Variants in SEC16B observed in about 807,000 individuals in gnomAD.
SEC16B encodes the protein SEC16 homolog B, endoplasmic reticulum export factor, also known as protein transport protein Sec16B.
In SEC16B, 115 loss-of-function variants were observed where a neutral mutation model predicts 141.8. That is an observed-to-expected ratio of 0.81 (90% CI 0.70 to 0.95). The LOEUF (loss-of-function observed/expected upper bound fraction) is 0.95. Among genes scored for constraint, SEC16B ranks in the 40% least tolerant of loss-of-function variants. The pLI is 0.00. For missense variants in SEC16B, 1,291 were observed against 1,312.3 expected, an observed-to-expected ratio of 0.98 and a Z score of 0.25; for synonymous variants, 493 against 492.5, an observed-to-expected ratio of 1.00 and a Z score of -0.01.
At position 177,939,696 on chromosome 1, in the gene SEC16B, G is replaced by C. The variant is rs373082751; in HGVS notation, c.2203+6C>G. On this transcript the variant is annotated splice_donor_region_variant and intron_variant, in intron 18 of 25. Coordinates refer to ENST00000308284, the MANE Select transcript of SEC16B (RefSeq NM_033127.4). Reference sequence around the variant, plus strand: ...ATGTATATGCTCAGTTCATCATTTTGGGTACCTGTTGTTGTTCCTCCGGCT... The same window carrying C: ...ATGTATATGCTCAGTTCATCATTTTCGGTACCTGTTGTTGTTCCTCCGGCT... 87 of 1,579,526 alleles carry C rather than the reference G, an allele frequency of 5.5e-5. No homozygotes were observed. The East Asian group carries it at 1.4e-3, about 26-fold the overall frequency.
In SEC16B at chr1:177,960,785, CT is replaced by C. The variant is rs773026202; in HGVS notation, c.936+5del. 6.3e-7 allele frequency: 1 copy of C among 1,598,148 alleles called. No homozygotes were observed. Among genetic ancestry groups the C allele is most frequent in the South Asian group, 1.1e-5 (1 of 88,848 alleles). On this transcript the variant is annotated splice_donor_5th_base_variant and intron_variant, in intron 7 of 25. Transcript: ENST00000308284. ...CAGCATTCCAGGGACACTGGGTCTTCTTTACCTCCATGCTGTGCAGTTCAAC... is the reference window on the plus strand; with the variant it reads ...CAGCATTCCAGGGACACTGGGTCTTCTTACCTCCATGCTGTGCAGTTCAAC...
At chr1:177,952,857 G>A (rs990862046) in intron 11 of SEC16B, among the ~76,000 whole-genome samples, 3 of 152,244 alleles carry the variant, frequency 2.0e-5, no homozygotes, top group African/African-American at 7.2e-5. Context: ...AGTCTCAGAG[G>A]ATAATAAAGT....
At chr1:177,937,158 T>C (rs1269540919) in intron 19 of SEC16B, 56 bp downstream of exon 19, 1 of 1,528,180 alleles carries the variant, frequency 6.5e-7, no homozygotes, top group Non-Finnish European at 8.8e-7. Flanking sequence ...CCTTTCCTGC[T>C]TCCTCCCCAC....
intron 15 of SEC16B, among the ~76,000 whole-genome samples, chr1:177,944,081 T>C (rs999804704): frequency 2.6e-5 from 4 of 151,904 alleles, no homozygotes; most frequent in African/African-American, 4.8e-5. Context: ...ATGCTCTGAG[T>C]GGGACGAAGA....
rs1650248563 is a variant in SEC16B, at chr1:177,929,387, T to G, written c.*471A>C. The G allele has an allele frequency of 6.4e-6, 1 of 157,430 alleles. No homozygotes were observed. The highest frequency in any genetic ancestry group is 1.9e-4 in the South Asian group (1 of 5,302). The allele number at this position is 157,430 out of a possible 1,614,324, so 9.8% of individuals were successfully genotyped here. On this transcript the variant is annotated 3_prime_UTR_variant, in exon 26 of 26. Coordinates refer to ENST00000308284, the MANE Select transcript of SEC16B (RefSeq NM_033127.4). ...AATAATCAAGTTTCAGTATAAAAACTTTGCTAAATAGAGCCATGTATTGGT... is the reference window on the plus strand; with the variant it reads ...AATAATCAAGTTTCAGTATAAAAACGTTGCTAAATAGAGCCATGTATTGGT...
chr1:177,940,758 G>A (rs1306207407), intron 16 of SEC16B, 44 bp from the exon 17 acceptor site: 1 of 1,357,352 alleles, frequency 7.4e-7, no homozygotes, highest in Non-Finnish European at 1.0e-6. Flanking sequence ...AAGTAAGAGA[G>A]GAGAGGAGAG....
chr1:177,932,257 AC>A (rs1446275171), intron 24 of SEC16B, among the ~76,000 whole-genome samples: 1 of 152,200 alleles, frequency 6.6e-6, no homozygotes, highest in African/African-American at 2.4e-5. Context: ...AAAAGACACA[AC>A]CCTGCTGAAA....
intron 11 of SEC16B, among the ~76,000 whole-genome samples, chr1:177,953,381 T>C (rs192464048): frequency 3.9e-5 from 6 of 152,198 alleles, no homozygotes; most frequent in African/African-American, 1.4e-4. Flanking sequence ...GCTGAGAGGA[T>C]AGCTTCACAG....
chr1:177,936,675 T>A (rs1342450826), intron 19 of SEC16B, among the ~76,000 whole-genome samples: 1 of 152,162 alleles, frequency 6.6e-6, no homozygotes, highest in Non-Finnish European at 1.5e-5. Context: ...GCCTCCATCT[T>A]GGACAGGACC....
intron 19 of SEC16B, among the ~76,000 whole-genome samples, chr1:177,936,944 T>C (rs1230276695): frequency 1.3e-5 from 2 of 152,140 alleles, no homozygotes; most frequent in African/African-American, 4.8e-5. Flanking sequence ...ATGTAATCAT[T>C]TGGATGGCAG....
In SEC16B at chr1:177,946,524, C is replaced by T. The variant is rs1236756343; in HGVS notation, c.1671G>A (p.Lys557=). ...IVAIGDTLAG[K]GLVEAAHFCY... Reference sequence around the variant, plus strand: ...AGAAGTGAGCTGCCTCCACAAGCCCCTTCCCAGCTGCGGGAGGAAGAGAAC... The same window carrying T: ...AGAAGTGAGCTGCCTCCACAAGCCCTTTCCCAGCTGCGGGAGGAAGAGAAC... Residue 557 remains lysine (K), a synonymous_variant, in exon 14 of 26, where the codon AAG becomes AAA. Coordinates refer to ENST00000308284, the MANE Select transcript of SEC16B (RefSeq NM_033127.4). 6.3e-7 allele frequency: 1 copy of T among 1,575,430 alleles called. No homozygotes were observed.
rs200274747 is a variant in SEC16B at position 177,937,329 on chromosome 1, C to G, written c.2388G>C (p.Arg796Ser). ...GGGAGQTGTP[R>S]PFYSVPETHL... ...GGGTCTCAGGAACTGAGTAAAAAGGCCTCGGTGTCCCTGTCTGCCCTGCAC... is the reference window on the plus strand; with the variant it reads ...GGGTCTCAGGAACTGAGTAAAAAGGGCTCGGTGTCCCTGTCTGCCCTGCAC... Residue 796 changes from arginine to serine, a missense_variant, in exon 19 of 26, where the codon AGG (arginine) becomes AGC (serine). By Grantham distance (110) the Arg-to-Ser change is moderately radical. This residue lies in a region of SEC16B where 605 missense variants were observed against 614.1 expected (regional missense o/e 0.99). Transcript: ENST00000308284. 6.2e-7 allele frequency: 1 copy of G among 1,613,774 alleles called. No individual in the cohort carries two copies. Among genetic ancestry groups the G allele is most frequent in the South Asian group, 1.1e-5 (1 of 90,992 alleles).
intron 3 of SEC16B, among the ~76,000 whole-genome samples, chr1:177,965,470 C>T (rs1653444604): frequency 6.6e-6 from 1 of 151,938 alleles, no homozygotes; most frequent in Admixed American, 6.6e-5. Flanking sequence ...GCCATTAAGA[C>T]ACACCCTATA....
chr1:177,978,519 A>T lies in SEC16B; in HGVS notation c.-59+5687T>A, dbSNP rs547607046. ...CCAGAAGCTCAAGAAACCCTGGTCA[A>T]CATAGTAAGACCCTGTCTCTACAAA... On this transcript the variant is annotated intron_variant and NMD_transcript_variant, in intron 1 of 24. Transcript: ENST00000528461. Among the ~76,000 whole-genome samples, 4 of 152,168 alleles carry T rather than the reference A, an allele frequency of 2.6e-5. No individual in the cohort carries two copies. In the East Asian group the frequency reaches 7.8e-4, roughly 30 times the overall value.
At chr1:177,964,112 GAC>G (rs1235979442) in intron 5 of SEC16B, 57 bp downstream of exon 5, 1 of 1,264,600 alleles carries the variant, frequency 7.9e-7, no homozygotes, top group African/African-American at 1.5e-5. Context: ...TGCCACTGCT[GAC>G]AGTGTCAGCT....
chr1:177,976,278 T>C (rs553335521), intron 1 of SEC16B, among the ~76,000 whole-genome samples: 2 of 152,136 alleles, frequency 1.3e-5, no homozygotes, highest in African/African-American at 4.8e-5. Flanking sequence ...TGGCCCAACC[T>C]CCTCCTCTCT....
intron 20 of SEC16B, 57 bp from the exon 21 acceptor site, chr1:177,933,693 T>A (rs1650626375): frequency 1.3e-6 from 2 of 1,574,626 alleles, no homozygotes; most frequent in Admixed American, 3.4e-5. Flanking sequence ...ACCAAACACA[T>A]TTGCACATAC....
At chr1:177,976,505 G>A (rs1307987600) in intron 1 of SEC16B, among the ~76,000 whole-genome samples, 1 of 152,142 alleles carries the variant, frequency 6.6e-6, no homozygotes, top group African/African-American at 2.4e-5. Flanking sequence ...TGGTGGTCCT[G>A]GAATAAAGTT....
rs777957529 is a variant in SEC16B, at chr1:177,932,481, G to T, written c.3012+9C>A. 6.6e-7 allele frequency: 1 copy of T among 1,525,390 alleles called. No individual in the cohort carries two copies. The highest frequency in any genetic ancestry group is 1.4e-5 in the African/African-American group (1 of 72,160). 94.5% of individuals were successfully genotyped at this position (1,525,390 alleles called of 1,614,324 possible). A position where few individuals can be genotyped will look rare whatever the true frequency, so the allele number is the denominator to read the frequency against. ...GGGTCCGAGGCTCCAGCCCAGGGGGGCCGCTTACCTCTGGTCCAGACAAGC... is the reference window on the plus strand; with the variant it reads ...GGGTCCGAGGCTCCAGCCCAGGGGGTCCGCTTACCTCTGGTCCAGACAAGC... On this transcript the variant is annotated intron_variant, in intron 24 of 25. Transcript: ENST00000308284.
Sources: gnomAD v4.1 joint callset for allele counts (sites outside exome capture counted in the v4.1 genomes callset) on GRCh38, gnomAD v4.1.1 for gene constraint, gnomAD v4.1.1 regional missense constraint, MANE v1.5 for transcripts, NCBI Gene and HGNC (gene_info 2026-07-23, HGNC 2026-07-21) for gene names.